PLEK: variants seen among roughly 807,000 people sequenced by gnomAD.
PLEK encodes the protein pleckstrin, also known as platelet 47 kDa protein.
In PLEK, 25 loss-of-function variants were observed where a neutral mutation model predicts 43.9. The observed-to-expected ratio is 0.57, with a 90% CI of 0.41 to 0.79. The LOEUF (loss-of-function observed/expected upper bound fraction) is 0.79, where lower values mean the gene tolerates loss of function less well. Ranked by LOEUF, PLEK falls within the 30% of genes least tolerant of loss-of-function variation. The pLI is 0.00. For missense variants in PLEK, 396 were observed against 413.3 expected, an observed-to-expected ratio of 0.96 and a Z score of 0.36; for synonymous variants, 152 against 144.4, an observed-to-expected ratio of 1.05 and a Z score of -0.38.
chr2:68,373,128 T>G (rs1405168881), intron 1 of PLEK, among the ~76,000 whole-genome samples: 1 of 151,928 alleles, frequency 6.6e-6, no homozygotes, highest in East Asian at 1.9e-4. Flanking sequence ...AAAGGAAAAA[T>G]TTAGGAATGG....
chr2:68,383,678 T>A (rs963212871), intron 4 of PLEK, among the ~76,000 whole-genome samples: 8 of 152,216 alleles, frequency 5.3e-5, no homozygotes, highest in African/African-American at 1.9e-4. Flanking sequence ...TACAATTTGG[T>A]ACTAAGTTTG....
At chr2:68,367,763 T>A (rs975797903) in intron 1 of PLEK, among the ~76,000 whole-genome samples, 2 of 152,202 alleles carry the variant, frequency 1.3e-5, no homozygotes, top group Non-Finnish European at 2.9e-5. Flanking sequence ...GGTTGCCAAA[T>A]TAATTATGAA....
At chr2:68,389,599 G>A (rs543294667) in intron 6 of PLEK, among the ~76,000 whole-genome samples, 1 of 152,322 alleles carries the variant, frequency 6.6e-6, no homozygotes, top group African/African-American at 2.4e-5. Context: ...TTCACAGGGG[G>A]AAGTGGGACA....
At chr2:68,386,411 T>A in intron 4 of PLEK, 91 bp from the exon 5 acceptor site, 1 of 935,420 alleles carries the variant, frequency 1.1e-6, no homozygotes, top group East Asian at 2.5e-5. Context: ...AAGTCAGACC[T>A]GTGGGTGAGC....
At chr2:68,371,280 G>A (rs1193202736) in intron 1 of PLEK, among the ~76,000 whole-genome samples, 5 of 152,142 alleles carry the variant, frequency 3.3e-5, no homozygotes, top group East Asian at 1.9e-4. Flanking sequence ...AACCTCCACC[G>A]GCTGGGACCT....
rs760855544 is a variant in PLEK, at chr2:68,380,495, T to G, written c.198+12T>G. ...TTGGCAAAAGGATGGTAAGTTGACATCATGAGCTGCCGTGAACCCCTGGTC... is the reference window on the plus strand; with the variant it reads ...TTGGCAAAAGGATGGTAAGTTGACAGCATGAGCTGCCGTGAACCCCTGGTC... On this transcript the variant is annotated intron_variant, in intron 2 of 8. Transcript: ENST00000234313. 6.2e-7 allele frequency: 1 copy of G among 1,612,018 alleles called. No individual in the cohort carries two copies. Among genetic ancestry groups the G allele is most frequent in the African/African-American group, 1.3e-5 (1 of 74,844 alleles).
intron 3 of PLEK, among the ~76,000 whole-genome samples, chr2:68,381,967 T>C (rs1220000641): frequency 6.6e-6 from 1 of 152,216 alleles, no homozygotes; most frequent in Non-Finnish European, 1.5e-5. Flanking sequence ...TTTTGTTGCT[T>C]AGAGCTTCTC....
intron 1 of PLEK, among the ~76,000 whole-genome samples, chr2:68,366,216 G>C (rs1673271024): frequency 6.6e-6 from 1 of 152,228 alleles, no homozygotes; most frequent in Non-Finnish European, 1.5e-5. Context: ...TCAGAAATGA[G>C]CTGAACGTAG....
At chr2:68,372,028 A>G (rs55924544) in intron 1 of PLEK, among the ~76,000 whole-genome samples, 77,100 of 151,990 alleles carry the variant, frequency 0.51, 20,662 homozygotes, top group East Asian at 0.76. Context: ...TTGCTCATTT[A>G]AAAAATTGGG....
At chr2:68,368,310 T>A (rs1673323064) in intron 1 of PLEK, among the ~76,000 whole-genome samples, 1 of 152,270 alleles carries the variant, frequency 6.6e-6, no homozygotes, top group South Asian at 2.1e-4. Flanking sequence ...AGCAAGCTGC[T>A]ATACGAACAT....
At chr2:68,387,776 G>GC (rs1239051006) in intron 5 of PLEK, among the ~76,000 whole-genome samples, 1 of 147,672 alleles carries the variant, frequency 6.8e-6, no homozygotes, top group Non-Finnish European at 1.5e-5. Flanking sequence ...TCCACAGTCT[G>GC]TTTTTTTTTT....
intron 3 of PLEK, among the ~76,000 whole-genome samples, chr2:68,381,376 C>T (rs1390219782): frequency 6.6e-6 from 1 of 152,118 alleles, no homozygotes; most frequent in Non-Finnish European, 1.5e-5. Context: ...GTTTAATGGC[C>T]GCTGATGTTG....
chr2:68,387,880 A>T lies in PLEK; in HGVS notation c.658-507A>T, dbSNP rs1263047313. ...TGGCTCCTCTTCCTCGGTCTGATTC[A>T]TCATCTACTTTTGCTGAGCAAGTCC... On this transcript the variant is annotated intron_variant, in intron 5 of 8. Coordinates refer to ENST00000234313, the MANE Select transcript of PLEK (RefSeq NM_002664.3). The T allele has an allele frequency of 5.2e-5, 8 of 152,642 alleles. No individual in the cohort carries two copies. In the Admixed American group the frequency reaches 5.2e-4, roughly 10 times the overall value. 9.5% of individuals were successfully genotyped at this position (152,642 alleles called of 1,614,324 possible).
rs1673965944 is a variant in PLEK, at chr2:68,396,453, GT to G, written c.*641del. On this transcript the variant is annotated 3_prime_UTR_variant, in exon 9 of 9. Coordinates refer to ENST00000234313, the MANE Select transcript of PLEK (RefSeq NM_002664.3). ...CAAAAACTTCCCGAGAGCAGTGGTG[GT>G]TTTGAGGGTTTTGACTTCTATTACT... 1 of 152,116 alleles carries G rather than the reference GT, an allele frequency of 6.6e-6. No individual in the cohort carries two copies. Among genetic ancestry groups the G allele is most frequent in the African/African-American group, 2.4e-5 (1 of 41,398 alleles). 9.4% of individuals were successfully genotyped at this position (152,116 alleles called of 1,614,324 possible). A position where few individuals can be genotyped will look rare whatever the true frequency, so the allele number is the denominator to read the frequency against.
chr2:68,383,472 G>A (rs984544875), intron 4 of PLEK, among the ~76,000 whole-genome samples: 1 of 151,078 alleles, frequency 6.6e-6, no homozygotes, highest in Non-Finnish European at 1.5e-5. Context: ...TGAGGAGCCA[G>A]GGCAGAGGAT....
chr2:68,385,189 TAC>T (rs1212619592), intron 4 of PLEK, among the ~76,000 whole-genome samples: 1 of 152,240 alleles, frequency 6.6e-6, no homozygotes, highest in African/African-American at 2.4e-5. Context: ...GATACACATA[TAC>T]ATTGTGCAGT....
At chr2:68,380,181 G>A in intron 1 of PLEK, 147 bp from the exon 2 acceptor site, 10 of 630,480 alleles carry the variant, frequency 1.6e-5, no homozygotes, top group Non-Finnish European at 2.7e-5. Flanking sequence ...CCACTGATTT[G>A]AGAGGATTTG....
At chr2:68,375,787 A>G (rs1415181400) in intron 1 of PLEK, among the ~76,000 whole-genome samples, 2 of 152,204 alleles carry the variant, frequency 1.3e-5, no homozygotes, top group Non-Finnish European at 2.9e-5. Flanking sequence ...GGGTGATATC[A>G]TGGGTTAAAG....
intron 8 of PLEK, among the ~76,000 whole-genome samples, chr2:68,395,215 AATATAAAT>A (rs576236634): frequency 3.1e-4 from 46 of 149,702 alleles, no homozygotes; most frequent in African/African-American, 8.3e-4. Context: ...CTGTATTATA[AATATAAAT>A]ATATAAATAT....
Sources: gnomAD v4.1 joint callset for allele counts (sites outside exome capture counted in the v4.1 genomes callset) on GRCh38, gnomAD v4.1.1 for gene constraint, MANE v1.5 for transcripts, NCBI Gene and HGNC (gene_info 2026-07-23, HGNC 2026-07-21) for gene names.